The following CFAP298 variants were observed in gnomAD, a reference collection of about 807,000 sequenced individuals.
CFAP298 encodes the protein cilia and flagella associated protein 298.
In CFAP298, 38 loss-of-function variants were observed where a neutral mutation model predicts 41.0. The observed-to-expected ratio is 0.93, with a 90% CI of 0.72 to 1.22. The LOEUF (loss-of-function observed/expected upper bound fraction) is 1.22, where lower values mean the gene tolerates loss of function less well. CFAP298 is among the 50% of genes most tolerant of loss of function. The pLI is 0.00. For missense variants in CFAP298, 348 were observed against 360.3 expected, an observed-to-expected ratio of 0.97 and a Z score of 0.28; for synonymous variants, 137 against 135.3, an observed-to-expected ratio of 1.01 and a Z score of -0.09.
At chr21:32,610,038 A>G (rs1352063773) in intron 1 of CFAP298, 33 bp from the exon 2 acceptor site, 2 of 1,570,210 alleles carry the variant, frequency 1.3e-6, no homozygotes, top group Admixed American at 1.7e-5. Flanking sequence ...TATCACAATC[A>G]TAACACCTCA....
chr21:32,601,100 G>A lies in CFAP298; in HGVS notation c.*763C>T, dbSNP rs187533069. 5.4e-4 allele frequency among the ~76,000 whole-genome samples: 82 copies of A among 152,144 alleles called. 1 individual carries two copies. The highest frequency in any genetic ancestry group is 9.1e-4 in the Non-Finnish European group (62 of 68,006). On this transcript the variant is annotated 3_prime_UTR_variant, in exon 7 of 7. Transcript: ENST00000290155. ...GGCTACAGTTAGACCCCGCAGCAGGGTTAGAGAAGTCTCTCCAGCAAGGCT... is the reference window on the plus strand; with the variant it reads ...GGCTACAGTTAGACCCCGCAGCAGGATTAGAGAAGTCTCTCCAGCAAGGCT...
intron 6 of CFAP298, 94 bp from the exon 7 acceptor site, chr21:32,602,067 T>C: frequency 1.1e-6 from 1 of 915,050 alleles, no homozygotes; most frequent in East Asian, 2.4e-5. Context: ...GACCTCCCCC[T>C]CTCCCTGCCC....
intron 2 of CFAP298, 75 bp from the exon 3 acceptor site, chr21:32,607,791 C>G (rs995446328): frequency 1.2e-6 from 1 of 866,090 alleles, no homozygotes. Context: ...TCAATCCCCT[C>G]TGTCTGAGTC....
chr21:32,611,885 C>T (rs1362027483), intron 1 of CFAP298, among the ~76,000 whole-genome samples: 2 of 152,208 alleles, frequency 1.3e-5, no homozygotes, highest in African/African-American at 2.4e-5. Flanking sequence ...CTCCGAGAGG[C>T]ACCTGGGCCC....
rs2038741429 is a variant in CFAP298, at chr21:32,601,679, T to C, written c.*184A>G. The C allele has an allele frequency of 1.9e-6, 1 of 523,456 alleles. No individual in the cohort carries two copies. Among genetic ancestry groups the C allele is most frequent in the Non-Finnish European group, 3.4e-6 (1 of 294,596 alleles). 32.4% of individuals were successfully genotyped at this position (523,456 alleles called of 1,614,324 possible). ...AACGATTTACACATTTTCTTCTGAC[T>C]AGGTATTTATTAAGTTCTAAAACCT... On this transcript the variant is annotated 3_prime_UTR_variant, in exon 7 of 7. Transcript: ENST00000290155.
chr21:32,604,461 T>G (rs1455675007), intron 3 of CFAP298, 178 bp from the exon 4 acceptor site: 1 of 653,900 alleles, frequency 1.5e-6, no homozygotes, highest in Non-Finnish European at 2.6e-6. Flanking sequence ...CACCGTGGCC[T>G]GTATTATAAA....
chr21:32,612,340 A>G lies in CFAP298; in HGVS notation c.-97T>C. On this transcript the variant is annotated 5_prime_UTR_variant, in exon 1 of 7. Coordinates refer to ENST00000290155, the MANE Select transcript of CFAP298 (RefSeq NM_021254.4). ...GGTCGCCGGATCGCCAGCAGCTGCG[A>G]CGCACTAACAGCCGCTCACAGTCCG... 6.9e-7 allele frequency: 1 copy of G among 1,452,836 alleles called. No individual in the cohort carries two copies. Among genetic ancestry groups the G allele is most frequent in the African/African-American group, 1.4e-5 (1 of 69,904 alleles). The allele number at this position is 1,452,836 out of a possible 1,614,324, so 90.0% of individuals were successfully genotyped here.
chr21:32,607,633 A>AACC lies in CFAP298; in HGVS notation c.375+15_375+16insGGT, dbSNP rs767677910. Reference sequence around the variant, plus strand: ...AAAACCCAACAAGTTTTAGTGCATCATTTAAAAAAGCCAACCTTAGATATT... The same window carrying AACC: ...AAAACCCAACAAGTTTTAGTGCATCAACCTTTAAAAAAGCCAACCTTAGATATT... On this transcript the variant is annotated intron_variant, in intron 3 of 6. Transcript: ENST00000290155. 6.0e-6 allele frequency: 9 copies of AACC among 1,497,814 alleles called. No homozygotes were observed. The highest frequency in any genetic ancestry group is 8.2e-6 in the Non-Finnish European group (9 of 1,103,338). The allele number at this position is 1,497,814 out of a possible 1,614,324, so 92.8% of individuals were successfully genotyped here. A position where few individuals can be genotyped will look rare whatever the true frequency, so the allele number is the denominator to read the frequency against.
Position 32,612,162 on chromosome 21 carries a change from T to C in CFAP298, c.82A>G (p.Thr28Ala), listed in dbSNP as rs1239259495. ...TTATAGACCCGGGCCACCTGCACCG[T>C]GAGCTCCTCCAGCTCGGTACTCCCA... ...APGSTELEEL[T>A]VQVARVYNGR... The change falls in exon 1 of 7, where the codon ACG (threonine) becomes GCG (alanine). Residue 28 changes from threonine to alanine, a missense_variant. Coordinates refer to ENST00000290155, the MANE Select transcript of CFAP298 (RefSeq NM_021254.4). 6.3e-7 allele frequency: 1 copy of C among 1,594,118 alleles called. No homozygotes were observed. Among genetic ancestry groups the C allele is most frequent in the Non-Finnish European group, 8.5e-7 (1 of 1,170,982 alleles).
chr21:32,611,921 G>A (rs2039009080), intron 1 of CFAP298, among the ~76,000 whole-genome samples, 184 bp downstream of exon 1: 1 of 152,130 alleles, frequency 6.6e-6, no homozygotes, highest in South Asian at 2.1e-4. Flanking sequence ...GTGTCAGACA[G>A]GCCGGATCTT....
At chr21:32,609,316 C>T (rs537644985) in intron 2 of CFAP298, among the ~76,000 whole-genome samples, 5 of 152,194 alleles carry the variant, frequency 3.3e-5, no homozygotes, top group Non-Finnish European at 7.3e-5. Context: ...AGGGTCATTT[C>T]ATCTGGTTCG....
At chr21:32,607,611 A>AC (rs769161712) in intron 3 of CFAP298, 38 bp downstream of exon 3, 1 of 1,285,448 alleles carries the variant, frequency 7.8e-7, no homozygotes, top group Admixed American at 2.2e-5. Context: ...AAAAAAAAAA[A>AC]CCCAACAAGT....
In CFAP298 at chr21:32,607,321, C is replaced by T. The variant is rs113525692; in HGVS notation, c.375+328G>A. 1.7e-3 allele frequency among the ~76,000 whole-genome samples: 257 copies of T among 152,190 alleles called. 4 individuals are homozygous for T. The highest frequency in any genetic ancestry group is 6.0e-3 in the African/African-American group (249 of 41,546). ...CAAAAGACAAGTTTTAGGCCGGGCGCGGTGGCTCATGCCTGTAATCCCAGC... is the reference window on the plus strand; with the variant it reads ...CAAAAGACAAGTTTTAGGCCGGGCGTGGTGGCTCATGCCTGTAATCCCAGC... On this transcript the variant is annotated intron_variant, in intron 3 of 6. Coordinates refer to ENST00000290155, the MANE Select transcript of CFAP298 (RefSeq NM_021254.4).
In CFAP298 at chr21:32,601,838, T is replaced by C. The variant is rs1568990327; in HGVS notation, c.*25A>G. The C allele has an allele frequency of 7.9e-7, 1 of 1,271,828 alleles. No homozygotes were observed. Among genetic ancestry groups the C allele is most frequent in the East Asian group, 2.3e-5 (1 of 43,370 alleles). 78.8% of individuals were successfully genotyped at this position (1,271,828 alleles called of 1,614,324 possible). A position where few individuals can be genotyped will look rare whatever the true frequency, so the allele number is the denominator to read the frequency against. ...TAGGAGAAAGGTGAGCTAATCTCTT[T>C]GGAAGTGTCATCAGCTGGTGAACTT... On this transcript the variant is annotated 3_prime_UTR_variant, in exon 7 of 7. Transcript: ENST00000290155.
At position 32,603,225 on chromosome 21, in the gene CFAP298, GTTC is replaced by G. The variant is rs1200040657; in HGVS notation, c.599_601del (p.Arg200del). ...CCCCACGTAGTCTGAAAGCTTCTTC[GTTC>G]TTCTCAGCTCCTTGGCTGCCCACCA... On this transcript the variant is annotated inframe_deletion, in exon 5 of 7. Transcript: ENST00000290155. 5.6e-6 allele frequency: 9 copies of G among 1,613,966 alleles called. No homozygotes were observed. The highest frequency in any genetic ancestry group is 1.6e-4 in the Middle Eastern group (1 of 6,084).
intron 2 of CFAP298, among the ~76,000 whole-genome samples, chr21:32,608,532 G>A (rs186963247): frequency 6.6e-6 from 1 of 151,840 alleles, no homozygotes; most frequent in Admixed American, 6.6e-5. Flanking sequence ...TAGCAGGCAT[G>A]TGTAATCCCA....
rs143740376 is a variant in CFAP298 at position 32,609,853 on chromosome 21, G to A, written c.292C>T (p.Arg98Ter). The A allele has an allele frequency of 7.1e-5, 115 of 1,613,472 alleles. No individual in the cohort carries two copies. The highest frequency in any genetic ancestry group is 1.7e-4 in the Middle Eastern group (1 of 6,060). The stretch of plus-strand genomic sequence containing the variant: ...CCTCACTTACCTTGCCCATTCCTTC[G>A]TCCAATATCATCCTTTTTAAACACT... ...GAVFKKDDIG[R>*]RNGQAPNEKM... The change falls in exon 2 of 7, where the codon CGA becomes TGA. Residue 98 changes from arginine (R) to a stop codon, truncating the protein, a stop_gained. Coordinates refer to ENST00000290155, the MANE Select transcript of CFAP298 (RefSeq NM_021254.4). LOFTEE classifies it high-confidence loss of function.
At chr21:32,607,804 G>A (rs959463259) in intron 2 of CFAP298, 88 bp from the exon 3 acceptor site, 1 of 793,836 alleles carries the variant, frequency 1.3e-6, no homozygotes, top group East Asian at 2.5e-5. Flanking sequence ...TCTGAGTCAG[G>A]GGGTAAATGA....
chr21:32,606,190 C>T (rs920929101), intron 3 of CFAP298, among the ~76,000 whole-genome samples: 2 of 152,262 alleles, frequency 1.3e-5, no homozygotes, highest in African/African-American at 4.8e-5. Flanking sequence ...GAGCTCATTT[C>T]TAGAAAACTG....
Sources: allele counts gnomAD v4.1 joint callset (sites outside exome capture counted in the v4.1 genomes callset), GRCh38; gene constraint gnomAD v4.1.1; transcripts MANE v1.5; gene names NCBI Gene and HGNC (gene_info 2026-07-23, HGNC 2026-07-21).